The following GPR63 variants were observed in gnomAD, a reference collection of about 807,000 sequenced individuals.
GPR63 encodes probable G protein-coupled receptor 63.
Under a neutral mutation model 23.1 loss-of-function variants are expected in GPR63, and 12 were observed. The ratio of observed to expected loss-of-function variants is 0.52; its 90% CI spans 0.33 to 0.84. The LOEUF is 0.84. GPR63 is among the 40% of genes least tolerant of loss of function. The pLI is 0.02. For missense variants in GPR63, 472 were observed against 515.6 expected, an observed-to-expected ratio of 0.92 and a Z score of 0.82; for synonymous variants, 172 against 191.1, an observed-to-expected ratio of 0.90 and a Z score of 0.82.
At chr6:96,815,353 T>C (rs1338893725) in intron 1 of GPR63, among the ~76,000 whole-genome samples, 1 of 152,228 alleles carries the variant, frequency 6.6e-6, no homozygotes, top group East Asian at 1.9e-4. Flanking sequence ...ATTCTACTTA[T>C]AGGAAGTATC....
In GPR63 at chr6:96,798,800, C is replaced by A. The variant is rs560918889; in HGVS notation, c.932G>T (p.Arg311Leu). The change falls in exon 2 of 2, where the codon CGT (arginine) becomes CTT (leucine). Residue 311 changes from arginine to leucine, a missense_variant. By Grantham distance (102) the Arg-to-Leu change is moderately radical. Coordinates refer to ENST00000229955, the MANE Select transcript of GPR63 (RefSeq NM_030784.4). Reference protein sequence around the residue: ...QMSIDMGFKTRAFTTILILFA... With the variant: ...QMSIDMGFKTLAFTTILILFA... ...GAGAATCAAAATAGTGGTGAAGGCA[C>A]GTGTTTTAAAGCCCATGTCAATGCT... The A allele has an allele frequency of 6.2e-7, 1 of 1,614,106 alleles. No homozygotes were observed.
intron 1 of GPR63, among the ~76,000 whole-genome samples, chr6:96,825,107 T>C (rs1774406789): frequency 6.6e-6 from 1 of 152,154 alleles, no homozygotes; most frequent in South Asian, 2.1e-4. Context: ...TCAATCCTCA[T>C]TTTATTTCTT....
chr6:96,814,134 T>A lies in GPR63; in HGVS notation c.-150-14253A>T, dbSNP rs923904344. On this transcript the variant is annotated intron_variant, in intron 1 of 1. Transcript: ENST00000229955. ...GACTTGTTCAATCTCCAACTTTATA[T>A]CTAATACATACAATATTATATATGT... Among the ~76,000 whole-genome samples, 90 of 152,260 alleles carry A rather than the reference T, an allele frequency of 5.9e-4. 3 individuals are homozygous for A. The highest frequency in any genetic ancestry group is 2.0e-3 in the African/African-American group (85 of 41,548).
At chr6:96,818,504 G>T (rs1393202631) in intron 1 of GPR63, among the ~76,000 whole-genome samples, 1 of 152,006 alleles carries the variant, frequency 6.6e-6, no homozygotes, top group Non-Finnish European at 1.5e-5. Context: ...TAAGAAATTT[G>T]AAGCAATCCT....
At chr6:96,808,771 T>A (rs1050250573) in intron 1 of GPR63, among the ~76,000 whole-genome samples, 3 of 152,086 alleles carry the variant, frequency 2.0e-5, no homozygotes, top group South Asian at 4.2e-4. Flanking sequence ...TTCTTTTTTT[T>A]ATTTTATTTT....
chr6:96,829,562 T>C (rs915943789), intron 1 of GPR63, among the ~76,000 whole-genome samples: 26 of 152,022 alleles, frequency 1.7e-4, no homozygotes, highest in African/African-American at 6.3e-4. Context: ...TAGACAGGCA[T>C]AGTGGCATGC....
chr6:96,823,225 C>T (rs1014717939), intron 1 of GPR63, among the ~76,000 whole-genome samples: 7 of 152,096 alleles, frequency 4.6e-5, no homozygotes, highest in African/African-American at 1.7e-4. Flanking sequence ...CATAAAACAG[C>T]CTCAAGCACA....
chr6:96,829,787 C>A (rs1223365519), intron 1 of GPR63, among the ~76,000 whole-genome samples: 1 of 151,942 alleles, frequency 6.6e-6, no homozygotes. Flanking sequence ...AAGCAAGACT[C>A]ACAACTGAGC....
At chr6:96,816,718 T>C (rs569742871) in intron 1 of GPR63, among the ~76,000 whole-genome samples, 4 of 152,180 alleles carry the variant, frequency 2.6e-5, no homozygotes, top group African/African-American at 9.6e-5. Flanking sequence ...TAAAAGCTGC[T>C]GAAAAGCTTG....
At chr6:96,810,702 A>G (rs1337993817) in intron 1 of GPR63, among the ~76,000 whole-genome samples, 1 of 152,160 alleles carries the variant, frequency 6.6e-6, no homozygotes, top group Non-Finnish European at 1.5e-5. Context: ...ATGTGTGTGT[A>G]TATGCATATA....
In GPR63 at chr6:96,799,210, G is replaced by T. The variant is rs772567550; in HGVS notation, c.522C>A (p.Ile174=). The T allele has an allele frequency of 8.7e-6, 14 of 1,614,052 alleles. No homozygotes were observed. The highest frequency in any genetic ancestry group is 1.2e-5 in the Non-Finnish European group (14 of 1,180,038). ...TAATAAGGAACCTATCTATGCTAAT[G>T]ATGAGCAGGATGGCTACTCCTTCTA... The part of the protein sequence containing the change: ...FVIEGVAILL[I]ISIDRFLIIV... The change falls in exon 2 of 2, where the codon ATC becomes ATA. Residue 174 remains isoleucine, a synonymous_variant. Coordinates refer to ENST00000229955, the MANE Select transcript of GPR63 (RefSeq NM_030784.4).
At chr6:96,808,627 G>GT (rs1773961135) in intron 1 of GPR63, among the ~76,000 whole-genome samples, 1 of 152,192 alleles carries the variant, frequency 6.6e-6, no homozygotes. Flanking sequence ...TTTCAGAAGA[G>GT]TTTCACAGGC....
rs377037155 is a variant in GPR63 at position 96,798,550 on chromosome 6, C to T, written c.1182G>A (p.Pro394=). The change falls in exon 2 of 2, where the codon CCG becomes CCA. Residue 394 remains proline (P), a synonymous_variant. Transcript: ENST00000229955. Reference sequence around the variant, plus strand: ...GTCGCTTTGTGTGACCAGGGAGCTGCGGCAAAAACTTGAAGGACTTAGGCA... The same window carrying T: ...GTCGCTTTGTGTGACCAGGGAGCTGTGGCAAAAACTTGAAGGACTTAGGCA... ...DMMPKSFKFL[P]QLPGHTKRRI... 26 of 1,614,046 alleles carry T rather than the reference C, an allele frequency of 1.6e-5. No homozygotes were observed. The highest frequency in any genetic ancestry group is 5.3e-5 in the African/African-American group (4 of 74,926).
At chr6:96,834,142 T>C (rs1254531892) in intron 1 of GPR63, among the ~76,000 whole-genome samples, 1 of 151,702 alleles carries the variant, frequency 6.6e-6, no homozygotes, top group Non-Finnish European at 1.5e-5. Context: ...GAGGCTAGAA[T>C]GCATTTTATC....
At chr6:96,818,099 A>T (rs1168267233) in intron 1 of GPR63, among the ~76,000 whole-genome samples, 2 of 151,972 alleles carry the variant, frequency 1.3e-5, no homozygotes, top group Non-Finnish European at 2.9e-5. Flanking sequence ...AATATTTTTT[A>T]AAATGCTAAA....
rs903705872 is a variant in GPR63, at chr6:96,794,452, T to C, written c.*4020A>G. 1 of 152,130 alleles carries C rather than the reference T, an allele frequency of 6.6e-6. No individual in the cohort carries two copies. The highest frequency in any genetic ancestry group is 1.5e-5 in the Non-Finnish European group (1 of 67,996). 9.4% of individuals were successfully genotyped at this position (152,130 alleles called of 1,614,324 possible). ...AAATAAATCTGAATGTAGCCATTCT[T>C]TAAACTTAAACTAAAAATCATTGTA... is the stretch of plus-strand genomic sequence containing the variant. On this transcript the variant is annotated 3_prime_UTR_variant, in exon 2 of 2. Transcript: ENST00000229955.
chr6:96,800,582 G>A (rs978364724), intron 1 of GPR63, among the ~76,000 whole-genome samples: 1 of 151,890 alleles, frequency 6.6e-6, no homozygotes, highest in African/African-American at 2.4e-5. Context: ...CCATACTGGA[G>A]AACTTACTCA....
At chr6:96,803,122 G>T (rs939319153) in intron 1 of GPR63, among the ~76,000 whole-genome samples, 2 of 152,098 alleles carry the variant, frequency 1.3e-5, no homozygotes, top group Non-Finnish European at 2.9e-5. Flanking sequence ...GAAAACAGGG[G>T]GACTGAGTGA....
chr6:96,812,806 G>A (rs1452584803), intron 1 of GPR63, among the ~76,000 whole-genome samples: 1 of 152,022 alleles, frequency 6.6e-6, no homozygotes, highest in Non-Finnish European at 1.5e-5. Flanking sequence ...GGTATCTGGA[G>A]TATCCATCAT....
Sources: gnomAD v4.1 joint callset for allele counts (sites outside exome capture counted in the v4.1 genomes callset) on GRCh38, gnomAD v4.1.1 for gene constraint, MANE v1.5 for transcripts, NCBI Gene and HGNC (gene_info 2026-07-23, HGNC 2026-07-21) for gene names.